MYRIP: variants seen among roughly 807,000 people sequenced by gnomAD.
The protein encoded by MYRIP is myosin VIIA and Rab interacting protein.
Under a neutral mutation model 98.0 loss-of-function variants are expected in MYRIP, and 49 were observed. The ratio of observed to expected loss-of-function variants is 0.50; its 90% CI spans 0.40 to 0.63. The LOEUF (loss-of-function observed/expected upper bound fraction) is 0.63. MYRIP is among the 30% of genes least tolerant of loss of function. The pLI is 0.00. For missense variants in MYRIP, 1,004 were observed against 1,058.2 expected (o/e 0.95, Z 0.71); for synonymous variants, 404 against 409.5 (o/e 0.99, Z 0.16).
chr3:40,102,110 A>G (rs2125892812), intron 3 of MYRIP, among the ~76,000 whole-genome samples: 1 of 152,336 alleles, frequency 6.6e-6, no homozygotes, highest in East Asian at 1.9e-4. Flanking sequence ...GGCCAAGGCC[A>G]AGCCCAGCAC....
intron 1 of MYRIP, among the ~76,000 whole-genome samples, chr3:39,851,233 C>T (rs937407176): frequency 6.9e-6 from 1 of 145,268 alleles, no homozygotes; most frequent in African/African-American, 2.5e-5. Context: ...TGTGTGATTT[C>T]AGAGCCCAGA....
At position 39,934,036 on chromosome 3, in the gene MYRIP, A is replaced by C. The variant is rs190295324; in HGVS notation, c.110+33110A>C. On this transcript the variant is annotated intron_variant, in intron 2 of 16. Coordinates refer to ENST00000302541, the MANE Select transcript of MYRIP (RefSeq NM_015460.4). ...AGACCTGTTGAATCAGAAACTCTGGAGGTGGCATTCAGCAATGTGTGCTTG... is the reference window on the plus strand; with the variant it reads ...AGACCTGTTGAATCAGAAACTCTGGCGGTGGCATTCAGCAATGTGTGCTTG... Among the ~76,000 whole-genome samples, 19 of 152,306 alleles carry C rather than the reference A, an allele frequency of 1.2e-4. No homozygotes were observed. In the East Asian group the frequency reaches 3.7e-3, roughly 29 times the overall value.
intron 10 of MYRIP, among the ~76,000 whole-genome samples, chr3:40,203,423 C>T (rs1951625332): frequency 6.6e-6 from 1 of 151,736 alleles, no homozygotes; most frequent in African/African-American, 2.4e-5. Flanking sequence ...ATGGCAGCAC[C>T]CAGCTGTGGG....
At chr3:40,039,711 T>C (rs1232031553) in intron 2 of MYRIP, among the ~76,000 whole-genome samples, 1 of 105,912 alleles carries the variant, frequency 9.4e-6, no homozygotes, top group Non-Finnish European at 2.0e-5. Flanking sequence ...GGAAAGTTTG[T>C]ACTTACTGTT....
intron 1 of MYRIP, among the ~76,000 whole-genome samples, chr3:39,832,367 CAG>C (rs1285917975): frequency 6.6e-6 from 1 of 152,046 alleles, no homozygotes; most frequent in Non-Finnish European, 1.5e-5. Context: ...ACTTAATTGC[CAG>C]AGAGAGGCAC....
intron 1 of MYRIP, among the ~76,000 whole-genome samples, chr3:39,816,318 A>C (rs1940909802): frequency 6.6e-6 from 1 of 152,074 alleles, no homozygotes; most frequent in African/African-American, 2.4e-5. Flanking sequence ...TCCTGACCTC[A>C]TGATCCACCC....
chr3:40,195,865 A>G (rs1951373622), intron 10 of MYRIP, among the ~76,000 whole-genome samples: 1 of 152,058 alleles, frequency 6.6e-6, no homozygotes, highest in Admixed American at 6.6e-5. Flanking sequence ...GGGAGAATTC[A>G]CCTTTTAAGA....
chr3:39,849,166 A>G (rs1942054974), intron 1 of MYRIP, among the ~76,000 whole-genome samples: 1 of 152,204 alleles, frequency 6.6e-6, no homozygotes, highest in African/African-American at 2.4e-5. Flanking sequence ...AAAGGACCCA[A>G]AATGATGGGC....
chr3:39,934,537 GAGA>G (rs1944614546), intron 2 of MYRIP, among the ~76,000 whole-genome samples: 1 of 152,068 alleles, frequency 6.6e-6, no homozygotes, highest in Non-Finnish European at 1.5e-5. Flanking sequence ...CTCAGGAAAG[GAGA>G]AGAACAAGGT....
chr3:40,055,915 A>G (rs1003170685), intron 3 of MYRIP, among the ~76,000 whole-genome samples: 1 of 152,204 alleles, frequency 6.6e-6, no homozygotes, highest in African/African-American at 2.4e-5. Context: ...AAGAGAATTA[A>G]TCGAAAATGA....
chr3:40,218,729 C>A (rs1952233302), intron 11 of MYRIP, among the ~76,000 whole-genome samples: 1 of 148,614 alleles, frequency 6.7e-6, no homozygotes, highest in Non-Finnish European at 1.5e-5. Context: ...ATAAAATTAA[C>A]TAGTTTTGCT....
chr3:40,026,092 T>C (rs935857422), intron 2 of MYRIP, among the ~76,000 whole-genome samples: 2 of 152,122 alleles, frequency 1.3e-5, no homozygotes, highest in African/African-American at 2.4e-5. Context: ...TTTCAGTCCT[T>C]ATCTCAGCCG....
intron 2 of MYRIP, among the ~76,000 whole-genome samples, chr3:40,008,158 G>T (rs1234895146): frequency 6.6e-6 from 1 of 152,128 alleles, no homozygotes. Context: ...GACTCCCATG[G>T]TTTTGTCTTT....
chr3:39,816,026 A>G (rs576545822), intron 1 of MYRIP, among the ~76,000 whole-genome samples: 3 of 150,084 alleles, frequency 2.0e-5, no homozygotes, highest in African/African-American at 4.9e-5. Flanking sequence ...AAAACGTTAT[A>G]TTTCCAAATG....
chr3:40,229,911 G>A (rs1285651150), intron 11 of MYRIP, among the ~76,000 whole-genome samples: 1 of 152,136 alleles, frequency 6.6e-6, no homozygotes, highest in Non-Finnish European at 1.5e-5. Context: ...CATGCTACCT[G>A]CACTAAGGCA....
chr3:40,219,303 A>G (rs574571497), intron 11 of MYRIP, among the ~76,000 whole-genome samples: 2 of 152,338 alleles, frequency 1.3e-5, no homozygotes, highest in South Asian at 4.1e-4. Context: ...ATATGATTGC[A>G]TAAATATTTT....
chr3:39,921,329 T>G (rs922868978), intron 2 of MYRIP, among the ~76,000 whole-genome samples: 3 of 152,104 alleles, frequency 2.0e-5, no homozygotes, highest in Admixed American at 2.0e-4. Context: ...CAGTAGGCCT[T>G]TTGCTAAGTT....
chr3:39,958,480 A>G (rs1376419043), intron 2 of MYRIP, among the ~76,000 whole-genome samples: 1 of 152,198 alleles, frequency 6.6e-6, no homozygotes. Context: ...AGCCATATGC[A>G]GAAAGCTGAA....
chr3:40,041,376 G>A (rs1947526709), intron 2 of MYRIP, among the ~76,000 whole-genome samples: 1 of 142,612 alleles, frequency 7.0e-6, no homozygotes, highest in Non-Finnish European at 1.5e-5. Flanking sequence ...CCTAAGCGGT[G>A]AACAGAGTTA....
Sources: gnomAD v4.1 joint callset for allele counts (sites outside exome capture counted in the v4.1 genomes callset) on GRCh38, gnomAD v4.1.1 for gene constraint, MANE v1.5 for transcripts, NCBI Gene and HGNC (gene_info 2026-07-23, HGNC 2026-07-21) for gene names.